PSG7: variants seen among roughly 807,000 people sequenced by gnomAD.
PSG7 encodes the protein pregnancy-specific beta-1-glycoprotein 7.
In PSG7, 57 loss-of-function variants were observed where a neutral mutation model predicts 45.6. The ratio of observed to expected loss-of-function variants is 1.25; its 90% CI spans 1.01 to 1.56. The LOEUF is 1.56. Among genes scored for constraint, PSG7 ranks in the 40% most tolerant of loss-of-function variants. The probability of loss-of-function intolerance (pLI) is 0.00; values close to 1 mark genes in which losing one functional copy is unlikely to be tolerated. For missense variants in PSG7, 796 were observed against 508.4 expected (o/e 1.57, Z -5.44); for synonymous variants, 298 against 194.4 (o/e 1.53, Z -4.43).
intron 2 of PSG7, among the ~76,000 whole-genome samples, chr19:42,933,606 T>C (rs562191801): frequency 1.3e-4 from 19 of 150,294 alleles, no homozygotes; most frequent in East Asian, 4.0e-4. Context: ...AACAGAACAG[T>C]CAGCCTAGTT....
At position 42,932,610 on chromosome 19, in the gene PSG7, A is replaced by G. The variant is rs761858069; in HGVS notation, c.430+2794T>C. On this transcript the variant is annotated intron_variant, in intron 2 of 5. Transcript: ENST00000406070. ...ACAGCAAACTAGCGTGGCTGACTCCATCTGGCATCTAGTCTCAGGCTGGCT... is the reference window on the plus strand; with the variant it reads ...ACAGCAAACTAGCGTGGCTGACTCCGTCTGGCATCTAGTCTCAGGCTGGCT... 3.1e-4 allele frequency among the ~76,000 whole-genome samples: 47 copies of G among 151,546 alleles called. 1 individual carries two copies. Among genetic ancestry groups the G allele is most frequent in the Non-Finnish European group, 5.2e-4 (35 of 67,882 alleles).
At position 42,936,299 on chromosome 19, in the gene PSG7, G is replaced by T. The variant is rs117768649; in HGVS notation, c.65-530C>A. 419 of 160,582 alleles carry T rather than the reference G, an allele frequency of 2.6e-3. 6 individuals are homozygous for T. The highest frequency in any genetic ancestry group is 4.2e-3 in the Non-Finnish European group (307 of 72,562). The allele number at this position is 160,582 out of a possible 1,614,324, so 9.9% of individuals were successfully genotyped here. ...GACAGGGACTTTTGTGATCTTGGTC[G>T]CACCCCAGTGCCTGGAACAGGCTGC... On this transcript the variant is annotated intron_variant, in intron 1 of 5. Coordinates refer to ENST00000406070, the MANE Select transcript of PSG7 (RefSeq NM_002783.3).
rs1972488663 is a variant in PSG7 at position 42,924,736 on chromosome 19, C to A, written c.*72G>T. The A allele has an allele frequency of 2.6e-6, 2 of 767,624 alleles. 1 individual carries two copies. Among genetic ancestry groups the A allele is most frequent in the Non-Finnish European group, 4.8e-6 (2 of 417,494 alleles). The allele number at this position is 767,624 out of a possible 1,614,324, so 47.6% of individuals were successfully genotyped here. On this transcript the variant is annotated 3_prime_UTR_variant, in exon 6 of 6. Coordinates refer to ENST00000406070, the MANE Select transcript of PSG7 (RefSeq NM_002783.3). ...AGTTGTCCAACTCTGACTTATAGGG[C>A]TTCTGGAACAGAGTGGGTCTTGCTC...
chr19:42,932,653 G>C (rs887211873), intron 2 of PSG7, among the ~76,000 whole-genome samples: 3 of 151,502 alleles, frequency 2.0e-5, no homozygotes, highest in Admixed American at 6.6e-5. Flanking sequence ...CTCATTCCTG[G>C]ACATAGGCCA....
In PSG7 at chr19:42,937,007, C is replaced by T. The variant is rs767539671; in HGVS notation, c.64+6G>A. The T allele has an allele frequency of 2.5e-6, 4 of 1,611,134 alleles. No homozygotes were observed. The highest frequency in any genetic ancestry group is 1.1e-5 in the South Asian group (1 of 90,766). On this transcript the variant is annotated splice_donor_region_variant and intron_variant, in intron 1 of 5. Coordinates refer to ENST00000406070, the MANE Select transcript of PSG7 (RefSeq NM_002783.3). ...CCTGTCCTCTCCCAGGAAGTTCTCT[C>T]CTCACCTGTGAGCAGGAGCCCTTTC...
chr19:42,935,846 A>G lies in PSG7; in HGVS notation c.65-77T>C. ...AAAAGATGGGCCCCTGGGTCCTGAG[A>G]AGGTCTCTTCAATCCTCAGCCTTGA... On this transcript the variant is annotated intron_variant, in intron 1 of 5. Transcript: ENST00000406070. 13 of 1,499,010 alleles carry G rather than the reference A, an allele frequency of 8.7e-6. 1 individual carries two copies. The South Asian group carries it at 9.2e-5, about 11-fold the overall frequency. The allele number at this position is 1,499,010 out of a possible 1,614,324, so 92.9% of individuals were successfully genotyped here. A position where few individuals can be genotyped will look rare whatever the true frequency, so the allele number is the denominator to read the frequency against.
Position 42,924,364 on chromosome 19 carries a change from C to A in PSG7, c.*444G>T. The A allele has an allele frequency of 2.4e-6, 1 of 423,006 alleles. No individual in the cohort carries two copies. Among genetic ancestry groups the A allele is most frequent in the Non-Finnish European group, 4.1e-6 (1 of 241,520 alleles). 26.2% of individuals were successfully genotyped at this position (423,006 alleles called of 1,614,324 possible). A position where few individuals can be genotyped will look rare whatever the true frequency, so the allele number is the denominator to read the frequency against. On this transcript the variant is annotated 3_prime_UTR_variant, in exon 6 of 6. Transcript: ENST00000406070. Reference sequence around the variant, plus strand: ...CCTGTATGCAAGATGGAGAGAGCCACATTTCCTCCTGAGATGTTATGTAAA... The same window carrying A: ...CCTGTATGCAAGATGGAGAGAGCCAAATTTCCTCCTGAGATGTTATGTAAA...
chr19:42,929,144 C>G, intron 3 of PSG7: 1 of 572,408 alleles, frequency 1.7e-6, no homozygotes, highest in East Asian at 3.4e-5. Context: ...AGTCGCAACA[C>G]TGAAGTCCCA....
In PSG7 at chr19:42,929,491, C is replaced by A. The variant is rs1386661282; in HGVS notation, c.660G>T (p.Arg220=). The change falls in exon 3 of 6, where the codon CGG becomes CGT. Residue 220 remains arginine, a synonymous_variant. Transcript: ENST00000406070. ...CACTGCGGCTGGCACTCACTGGGTT[C>A]CGTATTTCACATTCATAGGGTCCTG... is the stretch of plus-strand genomic sequence containing the variant. ...YTAGPYECEI[R]NPVSASRSDP... 2 of 1,612,556 alleles carry A rather than the reference C, an allele frequency of 1.2e-6. No individual in the cohort carries two copies. Among genetic ancestry groups the A allele is most frequent in the South Asian group, 1.1e-5 (1 of 90,828 alleles).
chr19:42,924,321 T>A lies in PSG7; in HGVS notation c.*487A>T. 1 of 371,258 alleles carries A rather than the reference T, an allele frequency of 2.7e-6. No individual in the cohort carries two copies. Among genetic ancestry groups the A allele is most frequent in the Non-Finnish European group, 4.8e-6 (1 of 208,980 alleles). The allele number at this position is 371,258 out of a possible 1,614,324, so 23.0% of individuals were successfully genotyped here. ...CAAACACACAGGCAATATCTCTGTGTTCATTTCTATTGGGAGCCCTGTATG... is the reference window on the plus strand; with the variant it reads ...CAAACACACAGGCAATATCTCTGTGATCATTTCTATTGGGAGCCCTGTATG... On this transcript the variant is annotated 3_prime_UTR_variant, in exon 6 of 6. Transcript: ENST00000406070.
intron 2 of PSG7, among the ~76,000 whole-genome samples, chr19:42,931,087 G>T (rs887733623): frequency 8.6e-5 from 13 of 151,502 alleles, no homozygotes; most frequent in Admixed American, 7.9e-4. Context: ...GATTTGGGAT[G>T]CTCAATTCGT....
chr19:42,928,669 A>G (rs1489094813), intron 3 of PSG7, among the ~76,000 whole-genome samples: 2 of 151,352 alleles, frequency 1.3e-5, no homozygotes, highest in South Asian at 2.1e-4. Flanking sequence ...GCAGAAATAT[A>G]TTCCCTTTCC....
chr19:42,925,786 T>C lies in PSG7; in HGVS notation c.1230A>G (p.Thr410=), dbSNP rs756809081. The C allele has an allele frequency of 1.2e-6, 2 of 1,612,058 alleles. No homozygotes were observed. Among genetic ancestry groups the C allele is most frequent in the Admixed American group, 1.7e-5 (1 of 59,894 alleles). ...ATGKESSKSV[T]VRVSDWTLP ...GGATCCACTTACCAGAGACTCTGAC[T>C]GTCACGGATTTGGAGCTTTCCTTGC... Residue 410 remains threonine (T), a synonymous_variant, in exon 5 of 6, where the codon ACA becomes ACG. Coordinates refer to ENST00000406070, the MANE Select transcript of PSG7 (RefSeq NM_002783.3).
chr19:42,937,117 C>G lies in PSG7; in HGVS notation c.-41G>C. On this transcript the variant is annotated 5_prime_UTR_variant, in exon 1 of 6. Coordinates refer to ENST00000406070, the MANE Select transcript of PSG7 (RefSeq NM_002783.3). ...CGTGTTCTCCTCTGTGGAGATGAGC[C>G]TAGGATCCAGAATCTTCCTGAGCAC... 1 of 1,600,668 alleles carries G rather than the reference C, an allele frequency of 6.2e-7. No homozygotes were observed. Among genetic ancestry groups the G allele is most frequent in the Non-Finnish European group, 8.5e-7 (1 of 1,171,140 alleles).
chr19:42,929,329 G>C, intron 3 of PSG7, 113 bp downstream of exon 3: 1 of 1,592,574 alleles, frequency 6.3e-7, no homozygotes. Context: ...CAGCTTTGAT[G>C]TCCAGGGGTA....
In PSG7 at chr19:42,929,482, C is replaced by G. The variant is rs184296168; in HGVS notation, c.669G>C (p.Val223=). The G allele has an allele frequency of 3.9e-4, 626 of 1,612,606 alleles. 17 individuals are homozygous for G. The African/African-American group carries it at 7.8e-3, about 20-fold the overall frequency. Residue 223 remains valine, a synonymous_variant, in exon 3 of 6, where the codon GTG becomes GTC. Coordinates refer to ENST00000406070, the MANE Select transcript of PSG7 (RefSeq NM_002783.3). ...GPYECEIRNP[V]SASRSDPVTL... ...TGACTGGGTCACTGCGGCTGGCACT[C>G]ACTGGGTTCCGTATTTCACATTCAT... is the stretch of plus-strand genomic sequence containing the variant.
intron 2 of PSG7, among the ~76,000 whole-genome samples, chr19:42,931,754 G>C (rs745595261): frequency 2.0e-5 from 3 of 151,370 alleles, no homozygotes; most frequent in Admixed American, 6.6e-5. Flanking sequence ...TGGCCACCTC[G>C]ATCTGGTCCC....
At chr19:42,933,324 G>A (rs1342279580) in intron 2 of PSG7, among the ~76,000 whole-genome samples, 1 of 14,976 alleles carries the variant, frequency 6.7e-5, no homozygotes, top group African/African-American at 1.9e-4. Flanking sequence ...TTTTTTTTTG[G>A]TGTATGTATG....
intron 3 of PSG7, 100 bp downstream of exon 3, chr19:42,929,342 G>A (rs1972964218): frequency 1.9e-6 from 3 of 1,602,516 alleles, no homozygotes; most frequent in Admixed American, 1.7e-5. Context: ...CAGGGGTAAA[G>A]GTCTACATAC....
Sources: allele counts gnomAD v4.1 joint callset (sites outside exome capture counted in the v4.1 genomes callset), GRCh38; gene constraint gnomAD v4.1.1; transcripts MANE v1.5; gene names NCBI Gene and HGNC (gene_info 2026-07-23, HGNC 2026-07-21).